The following PTBP3 variants were observed in gnomAD, a reference collection of about 807,000 sequenced individuals.
The protein encoded by PTBP3 is polypyrimidine tract-binding protein 3.
In PTBP3, 20 loss-of-function variants were observed where a neutral mutation model predicts 58.7. The observed-to-expected ratio is 0.34, with a 90% CI of 0.24 to 0.50. The LOEUF is 0.50. Ranked by LOEUF, PTBP3 falls within the 20% of genes least tolerant of loss-of-function variation. PTBP3 has a pLI of 0.98. For missense variants in PTBP3, 509 were observed against 637.2 expected, an observed-to-expected ratio of 0.80 and a Z score of 2.17; for synonymous variants, 185 against 219.8, an observed-to-expected ratio of 0.84 and a Z score of 1.40.
intron 7 of PTBP3, among the ~76,000 whole-genome samples, chr9:112,238,839 AG>A (rs1298638726): frequency 6.6e-6 from 1 of 152,212 alleles, no homozygotes; most frequent in East Asian, 1.9e-4. Context: ...GATTAAAAAA[AG>A]AAAGATATTT....
chr9:112,357,113 C>A, the PTBP3 span, among the ~76,000 whole-genome samples: 4 of 151,956 alleles, frequency 2.6e-5, no homozygotes, highest in Non-Finnish European at 4.4e-5. Flanking sequence ...AACTCCTGAT[C>A]TCAGGTGATC....
the PTBP3 span, among the ~76,000 whole-genome samples, chr9:112,346,436 G>C: frequency 6.6e-6 from 1 of 152,144 alleles, no homozygotes; most frequent in East Asian, 1.9e-4. Flanking sequence ...CAAGGTGCTG[G>C]GATTACAGGC....
chr9:112,333,680 C>G (rs1793901460), upstream of PTBP3: 1 of 498,540 alleles, frequency 2.0e-6, no homozygotes, highest in South Asian at 3.8e-5. Context: ...CTTCCCCACC[C>G]CGCGAGCGCG....
At chr9:112,252,475 G>C (rs1431302467) in intron 6 of PTBP3, 1 of 544,882 alleles carries the variant, frequency 1.8e-6, no homozygotes, top group African/African-American at 1.9e-5. Context: ...GGTGATAGGA[G>C]ATTTGAGACC....
chr9:112,282,017 G>A (rs1827888886), intron 2 of PTBP3, among the ~76,000 whole-genome samples: 2 of 152,056 alleles, frequency 1.3e-5, no homozygotes, highest in African/African-American at 4.8e-5. Context: ...CACACAGCAA[G>A]GAGAGAGGAC....
chr9:112,320,595 T>G (rs1829908666), intron 1 of PTBP3, among the ~76,000 whole-genome samples: 1 of 151,726 alleles, frequency 6.6e-6, no homozygotes, highest in South Asian at 2.1e-4. Flanking sequence ...TGATCTAGAA[T>G]AGCCAAAGCA....
the PTBP3 span, among the ~76,000 whole-genome samples, chr9:112,379,691 G>A: frequency 2.0e-3 from 309 of 152,346 alleles, no homozygotes; most frequent in Non-Finnish European, 3.3e-3. Flanking sequence ...GTAGGGGCAA[G>A]AAGACCCAGA....
In PTBP3 at chr9:112,319,882, T is replaced by C. The variant is rs180679313; in HGVS notation, c.-52+13588A>G. Reference sequence around the variant, plus strand: ...AAATCCTGTCATGAGACAACATGGATAAACCCGGAGGACACTGCGTTAAGC... The same window carrying C: ...AAATCCTGTCATGAGACAACATGGACAAACCCGGAGGACACTGCGTTAAGC... On this transcript the variant is annotated intron_variant, in intron 1 of 13. Transcript: ENST00000374257. 1.2e-3 allele frequency among the ~76,000 whole-genome samples: 181 copies of C among 152,252 alleles called. 1 individual carries two copies. The highest frequency in any genetic ancestry group is 4.0e-3 in the African/African-American group (168 of 41,558).
chr9:112,324,639 G>A (rs58632972), intron 1 of PTBP3, among the ~76,000 whole-genome samples: 1 of 148,694 alleles, frequency 6.7e-6, no homozygotes, highest in Non-Finnish European at 1.5e-5. Flanking sequence ...GACAGAGCGA[G>A]ACTACCTCTT....
At chr9:112,227,241 G>A (rs1015248820) in intron 12 of PTBP3, among the ~76,000 whole-genome samples, 170 bp downstream of exon 12, 5 of 152,092 alleles carry the variant, frequency 3.3e-5, no homozygotes, top group African/African-American at 1.2e-4. Context: ...TTAGAGTGTA[G>A]GATTGGAGAT....
intron 1 of PTBP3, chr9:112,330,603 A>G: frequency 8.1e-6 from 5 of 613,526 alleles, no homozygotes; most frequent in Non-Finnish European, 1.1e-5. Context: ...GAATGTGATG[A>G]GTTGTGAAAT....
chr9:112,231,969 G>GAAC (rs1264056093), intron 9 of PTBP3, 130 bp downstream of exon 9: 2 of 342,728 alleles, frequency 5.8e-6, no homozygotes, highest in African/African-American at 1.4e-4. Context: ...GAAGAGAAGA[G>GAAC]AGAAGAGAAG....
intron 1 of PTBP3, among the ~76,000 whole-genome samples, chr9:112,316,768 T>C (rs1165981134): frequency 6.8e-6 from 1 of 146,784 alleles, no homozygotes; most frequent in Admixed American, 7.0e-5. Flanking sequence ...GGTCAGGAGG[T>C]CAAGAGTGGT....
intron 12 of PTBP3, 35 bp from the exon 13 acceptor site, chr9:112,224,245 C>A (rs567984097): frequency 7.5e-7 from 1 of 1,334,130 alleles, no homozygotes; most frequent in East Asian, 2.4e-5. Context: ...ACTACCTGGG[C>A]CGCATTCTCA....
upstream of PTBP3, among the ~76,000 whole-genome samples, chr9:112,338,413 T>A (rs1290223059): frequency 6.6e-6 from 1 of 152,192 alleles, no homozygotes; most frequent in African/African-American, 2.4e-5. Flanking sequence ...ATGTTACTAT[T>A]GGGGGAAACT....
At chr9:112,333,976 A>G (rs1830505505), upstream of PTBP3, among the ~76,000 whole-genome samples, 1 of 147,252 alleles carries the variant, frequency 6.8e-6, no homozygotes, top group Non-Finnish European at 1.5e-5. Context: ...CCGGCTTCGC[A>G]GACCGGGCCT....
At chr9:112,288,329 T>C (rs577612319) in intron 2 of PTBP3, among the ~76,000 whole-genome samples, 22 of 152,332 alleles carry the variant, frequency 1.4e-4, no homozygotes, top group Admixed American at 1.0e-3. Flanking sequence ...CACAGGCATA[T>C]GTACTGTGCA....
rs1223888814 is a variant in PTBP3, at chr9:112,259,265, A to T, written c.516+3170T>A. Reference sequence around the variant, plus strand: ...ACCACACCTGGCCAGTTTATTCTTAATATAGCAACAAGAGTGATTCTGCTA... The same window carrying T: ...ACCACACCTGGCCAGTTTATTCTTATTATAGCAACAAGAGTGATTCTGCTA... On this transcript the variant is annotated intron_variant, in intron 5 of 13. Coordinates refer to ENST00000374257, the MANE Select transcript of PTBP3 (RefSeq NM_001163788.4). 2.0e-5 allele frequency among the ~76,000 whole-genome samples: 3 copies of T among 152,106 alleles called. No individual in the cohort carries two copies. The East Asian group carries it at 5.8e-4, about 29-fold the overall frequency.
At chr9:112,332,997 G>C in intron 1 of PTBP3, 1 of 1,291,216 alleles carries the variant, frequency 7.7e-7, no homozygotes, top group Non-Finnish European at 9.8e-7. Flanking sequence ...ACCGACGCGT[G>C]CACCCGCCGT....
Sources: allele counts gnomAD v4.1 joint callset (sites outside exome capture counted in the v4.1 genomes callset), GRCh38; gene constraint gnomAD v4.1.1; transcripts MANE v1.5; gene names NCBI Gene and HGNC (gene_info 2026-07-23, HGNC 2026-07-21).